The following CHMP7 variants were observed in gnomAD, a reference collection of about 807,000 sequenced individuals.
CHMP7 encodes the protein charged multivesicular body protein 7.
CHMP7 carries 15 observed loss-of-function variants against 53.7 expected under a neutral mutation model. The observed-to-expected ratio is 0.28, with a 90% CI of 0.19 to 0.43. The LOEUF (loss-of-function observed/expected upper bound fraction) is 0.43, where lower values mean the gene tolerates loss of function less well. Ranked by LOEUF, CHMP7 falls within the 20% of genes least tolerant of loss-of-function variation. The pLI is 1.00. For synonymous variants in CHMP7, 261 were observed against 228.0 expected, an observed-to-expected ratio of 1.14 and a Z score of -1.30; for missense variants, 527 against 569.4, an observed-to-expected ratio of 0.93 and a Z score of 0.76.
intron 9 of CHMP7, chr8:23,259,827 G>A (rs1802308781): frequency 3.9e-6 from 1 of 257,394 alleles, no homozygotes; most frequent in African/African-American, 2.2e-5. Context: ...CTCGACAGCT[G>A]TGCTCATGAC....
Position 23,249,376 on chromosome 8 carries a change from T to C in CHMP7, c.466T>C (p.Leu156=). Residue 156 remains leucine (L), a synonymous_variant, in exon 3 of 11, where the codon TTG becomes CTG. Coordinates refer to ENST00000397677, the MANE Select transcript of CHMP7 (RefSeq NM_152272.5). ...GGAGGTCCTTGTCGCTGTGGAGCTG[T>C]TGAAGGTGGGTACTCAGAAGGGGGT... ...AEEVLVAVEL[L]KEKAEEVYRL... The C allele has an allele frequency of 6.3e-6, 10 of 1,598,742 alleles. No homozygotes were observed. The highest frequency in any genetic ancestry group is 8.5e-6 in the Non-Finnish European group (10 of 1,172,544).
intron 3 of CHMP7, among the ~76,000 whole-genome samples, chr8:23,251,040 G>T (rs145143953): frequency 2.6e-5 from 4 of 152,272 alleles, no homozygotes; most frequent in Admixed American, 2.0e-4. Context: ...CAGGGTCCCC[G>T]CAAAGACTGC....
In CHMP7 at chr8:23,255,259, G is replaced by C. The variant is rs1802077691; in HGVS notation, c.484G>C (p.Glu162Gln). Reference protein sequence around the residue: ...AVELLKEKAEEVYRLYQNSPL... With the variant: ...AVELLKEKAEQVYRLYQNSPL... ...GCCTTTCCCACAGGAAAAGGCTGAG[G>C]AGGTGTATCGTCTGTATCAGAACTC... The change falls in exon 4 of 11, where the codon GAG (glutamate) becomes CAG (glutamine). Residue 162 changes from glutamate (E) to glutamine (Q), a missense_variant. Glu to Gln is a conservative substitution (Grantham distance 29). Coordinates refer to ENST00000397677, the MANE Select transcript of CHMP7 (RefSeq NM_152272.5). The C allele has an allele frequency of 6.2e-7, 1 of 1,614,116 alleles. No homozygotes were observed. The highest frequency in any genetic ancestry group is 1.3e-5 in the African/African-American group (1 of 75,054).
intron 4 of CHMP7, 83 bp from the exon 5 acceptor site, chr8:23,256,377 C>A: frequency 1.1e-6 from 1 of 906,370 alleles, no homozygotes; most frequent in Non-Finnish European, 1.8e-6. Context: ...CTGCTGTTCT[C>A]ACATGCCCAC....
rs1802201277 is a variant in CHMP7 at position 23,257,856 on chromosome 8, G to A, written c.792-177G>A. ...CTGCTTGAGCCTGCCACAACAGACT[G>A]TCAACAGACTTGCCACAAGAGTTTT... On this transcript the variant is annotated intron_variant, in intron 5 of 10. Coordinates refer to ENST00000397677, the MANE Select transcript of CHMP7 (RefSeq NM_152272.5). Among the ~76,000 whole-genome samples the A allele has an allele frequency of 2.0e-5, 3 of 152,228 alleles. 1 individual carries two copies. The South Asian group carries it at 6.2e-4, about 32-fold the overall frequency.
rs976221995 is a variant in CHMP7 at position 23,259,834 on chromosome 8, T to A, written c.1121-310T>A. The A allele has an allele frequency of 1.6e-4, 48 of 299,648 alleles. 3 individuals are homozygous for A. Among genetic ancestry groups the A allele is most frequent in the Non-Finnish European group, 9.3e-5 (15 of 160,554 alleles). The allele number at this position is 299,648 out of a possible 1,614,324, so 18.6% of individuals were successfully genotyped here. On this transcript the variant is annotated intron_variant, in intron 9 of 10. Transcript: ENST00000397677. ...ATTTCCTCCTCGACAGCTGTGCTCATGACCCATCTGTGCTGCGGCATTCCT... is the reference window on the plus strand; with the variant it reads ...ATTTCCTCCTCGACAGCTGTGCTCAAGACCCATCTGTGCTGCGGCATTCCT...
chr8:23,258,490 C>T (rs377314453), intron 7 of CHMP7, 41 bp downstream of exon 7: 72 of 1,610,428 alleles, frequency 4.5e-5, no homozygotes, highest in Middle Eastern at 3.3e-4. Context: ...CTGGTCTCTC[C>T]GTGTGTGTTG....
chr8:23,255,152 G>A, intron 3 of CHMP7, 95 bp from the exon 4 acceptor site: 1 of 1,313,372 alleles, frequency 7.6e-7, no homozygotes, highest in South Asian at 1.2e-5. Context: ...CCGGGTGCTT[G>A]CCTTGTGTGA....
At chr8:23,248,274 C>T (rs1563401693) in intron 2 of CHMP7, 1 of 447,364 alleles carries the variant, frequency 2.2e-6, no homozygotes, top group Admixed American at 2.4e-5. Flanking sequence ...AATTCAGACA[C>T]TTTAATACCT....
In CHMP7 at chr8:23,252,195, C is replaced by CTTTTTTTTTTTTTTTTTTTTTT. The variant is rs373288680; in HGVS notation, c.471+2828_471+2829insTTTTTTTTTTTTTTTTTTTTTT. Among the ~76,000 whole-genome samples, 156 of 105,266 alleles carry CTTTTTTTTTTTTTTTTTTTTTT rather than the reference C, an allele frequency of 1.5e-3. 15 individuals are homozygous for CTTTTTTTTTTTTTTTTTTTTTT. The highest frequency in any genetic ancestry group is 2.3e-3 in the Non-Finnish European group (114 of 49,082). The allele number at this position is 105,266 out of a possible 152,430, so 69.1% of individuals were successfully genotyped here. A position where few individuals can be genotyped will look rare whatever the true frequency, so the allele number is the denominator to read the frequency against. On this transcript the variant is annotated intron_variant, in intron 3 of 10. Coordinates refer to ENST00000397677, the MANE Select transcript of CHMP7 (RefSeq NM_152272.5). ...CCTTTCCTGTTTTGTATTGTGTTAT[C>CTTTTTTTTTTTTTTTTTTTTTT]TTTTTTTTTTTTTTGAGATGGAGTT...
chr8:23,252,839 A>G (rs1801984489), intron 3 of CHMP7, among the ~76,000 whole-genome samples: 1 of 152,184 alleles, frequency 6.6e-6, no homozygotes, highest in South Asian at 2.1e-4. Context: ...TTGTCTCAGT[A>G]TCTTTTCTTG....
intron 2 of CHMP7, 125 bp from the exon 3 acceptor site, chr8:23,249,085 G>C (rs769015076): frequency 1.2e-4 from 91 of 737,688 alleles, no homozygotes; most frequent in Non-Finnish European, 1.8e-4. Flanking sequence ...GCACAGCGTA[G>C]GTGCTTAACA....
At chr8:23,247,015 AG>A (rs1321395402) in intron 2 of CHMP7, 21 bp downstream of exon 2, 3 of 1,433,006 alleles carry the variant, frequency 2.1e-6, no homozygotes, top group South Asian at 1.4e-5. Flanking sequence ...GGCTGGGGCC[AG>A]GGCCGCGAGG....
In CHMP7 at chr8:23,249,283, GTC is replaced by G; in HGVS notation, c.375_376del (p.Phe126ProfsTer11). 1 of 1,613,366 alleles carries G rather than the reference GTC, an allele frequency of 6.2e-7. No individual in the cohort carries two copies. Among genetic ancestry groups the G allele is most frequent in the Non-Finnish European group, 8.5e-7 (1 of 1,179,678 alleles). On this transcript the variant is annotated frameshift_variant, in exon 3 of 11. Transcript: ENST00000397677. LOFTEE classifies it high-confidence loss of function. Reference protein sequence around the residue: ...DSSWISWGVGVFLLKPLKWTL... With the variant: ...DSSWISWGVGXFLLKPLKWTL... ...CAGCTGGATCTCCTGGGGGGTTGGG[GTC>G]TTCCTGCTGAAGCCTCTCAAGTGGA...
chr8:23,249,086 G>T (rs1801821340), intron 2 of CHMP7, 124 bp from the exon 3 acceptor site: 4 of 755,882 alleles, frequency 5.3e-6, no homozygotes, highest in Admixed American at 3.2e-5. Context: ...CACAGCGTAG[G>T]TGCTTAACAA....
At chr8:23,247,117 C>CGTGTGTGTGT (rs1801731641) in intron 2 of CHMP7, 123 bp downstream of exon 2, 1 of 953,534 alleles carries the variant, frequency 1.0e-6, no homozygotes, top group African/African-American at 1.7e-5. Flanking sequence ...CCAGAGAAGG[C>CGTGTGTGTGT]ATCCAGTGTG....
chr8:23,250,527 C>T (rs960212537), intron 3 of CHMP7, among the ~76,000 whole-genome samples: 2 of 152,086 alleles, frequency 1.3e-5, no homozygotes, highest in African/African-American at 4.8e-5. Flanking sequence ...CTTTGTGTCA[C>T]CACTTCCTAC....
At chr8:23,256,669 G>C (rs906113269) in intron 5 of CHMP7, 76 bp downstream of exon 5, 2 of 1,258,002 alleles carry the variant, frequency 1.6e-6, no homozygotes. Context: ...TAGTATATGT[G>C]GGCTTTTAAA....
At chr8:23,247,430 C>G (rs1255932980) in intron 2 of CHMP7, among the ~76,000 whole-genome samples, 2 of 152,182 alleles carry the variant, frequency 1.3e-5, no homozygotes, top group Non-Finnish European at 2.9e-5. Context: ...CTGTAGGCAT[C>G]TTGCCAACAA....
Sources: gnomAD v4.1 joint callset for allele counts (sites outside exome capture counted in the v4.1 genomes callset) on GRCh38, gnomAD v4.1.1 for gene constraint, MANE v1.5 for transcripts, NCBI Gene and HGNC (gene_info 2026-07-23, HGNC 2026-07-21) for gene names.